The following SPATS2L variants were observed in gnomAD, a reference collection of about 807,000 sequenced individuals.
SPATS2L encodes the protein SPATS2-like protein.
SPATS2L carries 30 observed loss-of-function variants against 59.6 expected under a neutral mutation model. The observed-to-expected ratio is 0.50, with a 90% CI of 0.38 to 0.68. The LOEUF is 0.68. SPATS2L is among the 30% of genes least tolerant of loss of function. SPATS2L has a pLI of 0.00. For missense variants in SPATS2L, 615 were observed against 700.0 expected, an observed-to-expected ratio of 0.88 and a Z score of 1.37; for synonymous variants, 252 against 263.5, an observed-to-expected ratio of 0.96 and a Z score of 0.42.
In SPATS2L at chr2:200,472,929, C is replaced by G. The variant is rs1559166046; in HGVS notation, c.1158C>G (p.Asn386Lys). 6.2e-7 allele frequency: 1 copy of G among 1,613,928 alleles called. No homozygotes were observed. Among genetic ancestry groups the G allele is most frequent in the East Asian group, 2.2e-5 (1 of 44,878 alleles). The change falls in exon 12 of 13, where the codon AAC (asparagine) becomes AAG (lysine). Residue 386 changes from asparagine (N) to lysine (K), a missense_variant. This residue lies in a region of SPATS2L where 284 missense variants were observed against 280.1 expected (regional missense o/e 1.01). Transcript: ENST00000409140. ...AHAATSGKQS[N>K]FSRKSSTHNK... The stretch of plus-strand genomic sequence containing the variant: ...CAGCAACCTCTGGGAAACAGAGTAA[C>G]TTTTCCCGAAAATCATCCACTCACA...
In SPATS2L at chr2:200,412,288, CTTT is replaced by C. The variant is rs748739547; in HGVS notation, c.40-12_40-10del. 3.5e-4 allele frequency: 373 copies of C among 1,055,944 alleles called. No homozygotes were observed. Among genetic ancestry groups the C allele is most frequent in the South Asian group, 6.1e-4 (36 of 58,876 alleles). 65.4% of individuals were successfully genotyped at this position (1,055,944 alleles called of 1,614,324 possible). On this transcript the variant is annotated intron_variant, in intron 3 of 12. Transcript: ENST00000409140. ...ATTTAAAGTGTTCACATTTCTATTT[CTTT>C]TTTTTTTTTTCCTTTACAGATCTAT...
chr2:200,316,024 C>CAA (rs369862567), intron 1 of SPATS2L, among the ~76,000 whole-genome samples: 91 of 49,418 alleles, frequency 1.8e-3, no homozygotes, highest in Non-Finnish European at 2.0e-3. Flanking sequence ...GACTCCATCT[C>CAA]AAAAAAAAAA....
At chr2:200,315,674 C>A (rs1422259680) in intron 1 of SPATS2L, among the ~76,000 whole-genome samples, 1 of 152,022 alleles carries the variant, frequency 6.6e-6, no homozygotes, top group Non-Finnish European at 1.5e-5. Context: ...CTGATAAGGG[C>A]TCTACAGAAG....
chr2:200,431,813 C>G (rs1310570201), intron 6 of SPATS2L, among the ~76,000 whole-genome samples: 1 of 152,176 alleles, frequency 6.6e-6, no homozygotes, highest in Non-Finnish European at 1.5e-5. Flanking sequence ...ATATTTCCCC[C>G]AAGAGGAGGG....
At chr2:200,320,871 A>T (rs1028120057) in intron 1 of SPATS2L, among the ~76,000 whole-genome samples, 7 of 152,210 alleles carry the variant, frequency 4.6e-5, no homozygotes, top group Non-Finnish European at 7.3e-5. Flanking sequence ...TAGAAAAAAT[A>T]ATTTAAAAGA....
intron 8 of SPATS2L, among the ~76,000 whole-genome samples, chr2:200,455,954 CTCTGACCTTCTTTTAG>C (rs2085804455): frequency 6.6e-6 from 1 of 152,210 alleles, no homozygotes; most frequent in Non-Finnish European, 1.5e-5. Flanking sequence ...GGTCTTTCCT[CTCTGACCTTCTTTTAG>C]TCTGGCACTC....
intron 2 of SPATS2L, among the ~76,000 whole-genome samples, chr2:200,383,065 A>G (rs1409213769): frequency 2.6e-5 from 4 of 152,070 alleles, no homozygotes; most frequent in Middle Eastern, 6.3e-3. Flanking sequence ...GGGGCTTGTT[A>G]AGCACTGACT....
intron 6 of SPATS2L, among the ~76,000 whole-genome samples, chr2:200,425,637 C>T (rs562854492): frequency 4.6e-5 from 7 of 152,272 alleles, no homozygotes; most frequent in South Asian, 2.1e-4. Context: ...CATCTGGAAT[C>T]GGGTAAACCC....
intron 2 of SPATS2L, among the ~76,000 whole-genome samples, chr2:200,345,058 G>A (rs2080466638): frequency 6.6e-6 from 1 of 152,134 alleles, no homozygotes; most frequent in African/African-American, 2.4e-5. Flanking sequence ...TTGCTGTGCA[G>A]AAACTCTTAA....
rs1282821379 is a variant in SPATS2L at position 200,477,716 on chromosome 2, C to G, written c.1362C>G (p.Gly454=). The G allele has an allele frequency of 1.3e-6, 2 of 1,565,322 alleles. No individual in the cohort carries two copies. The highest frequency in any genetic ancestry group is 2.7e-5 in the African/African-American group (2 of 73,524). Reference sequence around the variant, plus strand: ...TAAATGGGCCTGCCAAGTCGCAGGGCAGTGGGAATGAAGCCGAGCCACTGG... The same window carrying G: ...TAAATGGGCCTGCCAAGTCGCAGGGGAGTGGGAATGAAGCCGAGCCACTGG... ...NRLNGPAKSQ[G]SGNEAEPLGK... is the part of the protein sequence containing the mutation. Residue 454 remains glycine (G), a synonymous_variant, in exon 13 of 13, where the codon GGC becomes GGG. Transcript: ENST00000409140.
chr2:200,444,627 G>T (rs2084911789), intron 8 of SPATS2L, among the ~76,000 whole-genome samples: 1 of 152,140 alleles, frequency 6.6e-6, no homozygotes, highest in Admixed American at 6.5e-5. Flanking sequence ...GGCCAGAAAT[G>T]TTCCTATACT....
chr2:200,369,857 G>A (rs560488013), intron 2 of SPATS2L, among the ~76,000 whole-genome samples: 4 of 151,908 alleles, frequency 2.6e-5, no homozygotes, highest in South Asian at 4.2e-4. Flanking sequence ...TTTTAGTTTC[G>A]TAAAGAAAAA....
chr2:200,401,362 T>C (rs888972158), intron 3 of SPATS2L, among the ~76,000 whole-genome samples: 3 of 152,122 alleles, frequency 2.0e-5, no homozygotes, highest in Non-Finnish European at 4.4e-5. Context: ...CCACAAAATT[T>C]TGGACACTTG....
At chr2:200,460,809 T>G (rs796380439) in intron 9 of SPATS2L, 94 of 151,914 alleles carry the variant, frequency 6.2e-4, no homozygotes, top group African/African-American at 2.0e-3. Context: ...TAAACAGTTT[T>G]TTTTTGTTTT....
chr2:200,440,495 C>A (rs2084623357), intron 7 of SPATS2L, among the ~76,000 whole-genome samples, 154 bp from the exon 8 acceptor site: 1 of 152,166 alleles, frequency 6.6e-6, no homozygotes. Context: ...CACAAGCCAC[C>A]CACACTGGGT....
In SPATS2L at chr2:200,382,322, G is replaced by A. The variant is rs1160910546; in HGVS notation, c.-22-6901G>A. ...ACTCCTGACCTTAGGTGATCCACCCGCCTCGGCCTCCCAAAATGCTGGGAT... is the reference window on the plus strand; with the variant it reads ...ACTCCTGACCTTAGGTGATCCACCCACCTCGGCCTCCCAAAATGCTGGGAT... On this transcript the variant is annotated intron_variant, in intron 2 of 12. Transcript: ENST00000409140. Among the ~76,000 whole-genome samples, 3 of 152,214 alleles carry A rather than the reference G, an allele frequency of 2.0e-5. No homozygotes were observed. The South Asian group carries it at 6.2e-4, about 32-fold the overall frequency.
At chr2:200,362,278 A>T (rs1298351671) in intron 2 of SPATS2L, among the ~76,000 whole-genome samples, 1 of 152,168 alleles carries the variant, frequency 6.6e-6, no homozygotes, top group African/African-American at 2.4e-5. Flanking sequence ...GCTAGAGTGC[A>T]GGAAATTTCT....
chr2:200,414,839 C>T (rs1047605244), intron 4 of SPATS2L, among the ~76,000 whole-genome samples: 1 of 152,148 alleles, frequency 6.6e-6, no homozygotes, highest in Non-Finnish European at 1.5e-5. Flanking sequence ...CCCTAAAGCT[C>T]ATTGTCCAAA....
At chr2:200,420,198 C>T (rs2083251710) in intron 6 of SPATS2L, among the ~76,000 whole-genome samples, 1 of 151,562 alleles carries the variant, frequency 6.6e-6, no homozygotes, top group African/African-American at 2.4e-5. Context: ...GTCCCATTTC[C>T]TTTCTGAAAA....
Sources: allele counts gnomAD v4.1 joint callset (sites outside exome capture counted in the v4.1 genomes callset), GRCh38; gene constraint gnomAD v4.1.1; regional missense constraint gnomAD v4.1.1; transcripts MANE v1.5; gene names NCBI Gene and HGNC (gene_info 2026-07-23, HGNC 2026-07-21).